Variants in CLOCK observed in about 807,000 individuals in gnomAD.
CLOCK encodes circadian locomoter output cycles protein kaput.
Under a neutral mutation model 118.4 loss-of-function variants are expected in CLOCK, and 43 were observed. That is an observed-to-expected ratio of 0.36 (90% CI 0.28 to 0.47). CLOCK has a LOEUF of 0.47. Among genes scored for constraint, CLOCK ranks in the 20% least tolerant of loss-of-function variants. The pLI, the probability that CLOCK is intolerant of heterozygous loss-of-function variation, is 1.00. For missense variants in CLOCK, 846 were observed against 999.9 expected (o/e 0.85, Z 2.08); for synonymous variants, 326 against 339.2 (o/e 0.96, Z 0.43).
At chr4:55,490,548 C>A (rs1189066017) in intron 2 of CLOCK, among the ~76,000 whole-genome samples, 2 of 151,974 alleles carry the variant, frequency 1.3e-5, no homozygotes, top group Non-Finnish European at 2.9e-5. Flanking sequence ...TTCCAGGACC[C>A]CCCACCAAAT....
At chr4:55,489,878 C>T (rs1727555081) in intron 2 of CLOCK, among the ~76,000 whole-genome samples, 2 of 151,846 alleles carry the variant, frequency 1.3e-5, no homozygotes, top group Non-Finnish European at 2.9e-5. Flanking sequence ...ATGGTAATCA[C>T]ATGTGAGGAC....
At position 55,542,788 on chromosome 4, in the gene CLOCK, G is replaced by A. The variant is rs915341443; in HGVS notation, c.-290+3994C>T. On this transcript the variant is annotated intron_variant, in intron 1 of 22. Transcript: ENST00000513440. Reference sequence around the variant, plus strand: ...AGGTTCACTTCAGAGGAGCTCAAGAGGCTGGTGTAATCTACGAGGCTTTCG... The same window carrying A: ...AGGTTCACTTCAGAGGAGCTCAAGAAGCTGGTGTAATCTACGAGGCTTTCG... Among the ~76,000 whole-genome samples the A allele has an allele frequency of 2.0e-5, 3 of 152,220 alleles. No individual in the cohort carries two copies. In the East Asian group the frequency reaches 5.8e-4, roughly 29 times the overall value.
At chr4:55,528,781 C>CT (rs947799325) in intron 1 of CLOCK, among the ~76,000 whole-genome samples, 5 of 152,142 alleles carry the variant, frequency 3.3e-5, no homozygotes, top group African/African-American at 1.2e-4. Context: ...GTGAAATACT[C>CT]TTTTTTTCCT....
chr4:55,513,121 C>T (rs1280498386), intron 1 of CLOCK, among the ~76,000 whole-genome samples: 1 of 152,126 alleles, frequency 6.6e-6, no homozygotes, highest in Non-Finnish European at 1.5e-5. Context: ...CTCACTGACT[C>T]ACCCTACGCA....
intron 13 of CLOCK, among the ~76,000 whole-genome samples, chr4:55,455,070 A>G (rs1296558355): frequency 6.6e-6 from 1 of 152,188 alleles, no homozygotes; most frequent in Non-Finnish European, 1.5e-5. Context: ...CTTCATTTTC[A>G]TACAGTGAGG....
intron 22 of CLOCK, among the ~76,000 whole-genome samples, chr4:55,436,397 C>T (rs903841550): frequency 6.6e-6 from 1 of 152,112 alleles, no homozygotes; most frequent in African/African-American, 2.4e-5. Context: ...AATAGATGAG[C>T]CTCTGTTCCT....
chr4:55,508,851 C>T (rs1159029218), intron 2 of CLOCK, among the ~76,000 whole-genome samples: 1 of 152,142 alleles, frequency 6.6e-6, no homozygotes, highest in Admixed American at 6.5e-5. Flanking sequence ...CTCGGCCTCC[C>T]AAAGTGCTGG....
Position 55,464,824 on chromosome 4 carries a change from A to G in CLOCK, c.439-1019T>C, listed in dbSNP as rs6838106. ...TTAGGTTGGTGCCATACTTTTAATA[A>G]CAAAAACCGCAATCACTTTTGCACC... On this transcript the variant is annotated intron_variant, in intron 8 of 22. Transcript: ENST00000513440. Among the ~76,000 whole-genome samples, 382 of 152,312 alleles carry G rather than the reference A, an allele frequency of 2.5e-3. 3 individuals are homozygous for G. The highest frequency in any genetic ancestry group is 8.8e-3 in the African/African-American group (366 of 41,568).
At chr4:55,452,875 T>G in intron 15 of CLOCK, 179 bp downstream of exon 15, 1 of 498,806 alleles carries the variant, frequency 2.0e-6, no homozygotes, top group Non-Finnish European at 3.5e-6. Context: ...ATTTTCTTTT[T>G]AGAGGCAGGT....
intron 13 of CLOCK, 145 bp downstream of exon 13, chr4:55,455,752 G>T: frequency 1.5e-6 from 1 of 658,906 alleles, no homozygotes; most frequent in South Asian, 1.8e-5. Context: ...CTACTACATT[G>T]GTTATATACA....
At chr4:55,543,922 T>C (rs1284283735) in intron 1 of CLOCK, among the ~76,000 whole-genome samples, 1 of 152,092 alleles carries the variant, frequency 6.6e-6, no homozygotes. Flanking sequence ...AAGTATCCTA[T>C]CCTACAAAAT....
At chr4:55,508,591 TA>T (rs1728951746) in intron 2 of CLOCK, among the ~76,000 whole-genome samples, 1 of 117,410 alleles carries the variant, frequency 8.5e-6, no homozygotes, top group Non-Finnish European at 1.8e-5. Context: ...GCCACACGGG[TA>T]AATTTTTTTT....
chr4:55,517,615 C>T (rs1396646552), intron 1 of CLOCK, among the ~76,000 whole-genome samples: 1 of 152,152 alleles, frequency 6.6e-6, no homozygotes, highest in African/African-American at 2.4e-5. Context: ...TTTGTTGTTT[C>T]TGTTCTGCCT....
intron 8 of CLOCK, among the ~76,000 whole-genome samples, chr4:55,467,427 T>C (rs763875002): frequency 6.6e-6 from 1 of 152,174 alleles, no homozygotes; most frequent in Non-Finnish European, 1.5e-5. Flanking sequence ...TATAATTCTC[T>C]GTATCATGAC....
intron 1 of CLOCK, among the ~76,000 whole-genome samples, chr4:55,541,003 T>A (rs1394448651): frequency 1.3e-5 from 2 of 152,224 alleles, no homozygotes; most frequent in Non-Finnish European, 2.9e-5. Flanking sequence ...ACAAAGTAAT[T>A]CATAAAATTT....
intron 1 of CLOCK, among the ~76,000 whole-genome samples, chr4:55,538,871 A>G (rs1306235305): frequency 1.3e-5 from 2 of 152,242 alleles, no homozygotes; most frequent in African/African-American, 4.8e-5. Flanking sequence ...GGAAGACAGA[A>G]AGCAACCAAA....
Position 55,430,606 on chromosome 4 carries a change from C to G in CLOCK, c.*4809G>C, listed in dbSNP as rs552318026. The G allele has an allele frequency of 2.0e-5, 3 of 152,214 alleles. No homozygotes were observed. In the South Asian group the frequency reaches 6.2e-4, roughly 32 times the overall value. The allele number at this position is 152,214 out of a possible 1,614,324, so 9.4% of individuals were successfully genotyped here. A position where few individuals can be genotyped will look rare whatever the true frequency, so the allele number is the denominator to read the frequency against. ...CCTTTAACCAAAGTATTCTTTTTCT[C>G]AGTCCTTTTTGTGCAAAAATATTAC... On this transcript the variant is annotated 3_prime_UTR_variant, in exon 23 of 23. Transcript: ENST00000513440.
intron 1 of CLOCK, among the ~76,000 whole-genome samples, chr4:55,517,634 T>C (rs954376297): frequency 1.3e-5 from 2 of 152,224 alleles, no homozygotes; most frequent in Non-Finnish European, 2.9e-5. Flanking sequence ...CTTTGTCTGG[T>C]TGCAGTATCA....
chr4:55,487,347 G>T (rs1727360913), intron 3 of CLOCK, among the ~76,000 whole-genome samples: 1 of 151,296 alleles, frequency 6.6e-6, no homozygotes, highest in African/African-American at 2.5e-5. Context: ...GTGTGATACA[G>T]CTTGCTGACT....
Sources: gnomAD v4.1 joint callset for allele counts (sites outside exome capture counted in the v4.1 genomes callset) on GRCh38, gnomAD v4.1.1 for gene constraint, MANE v1.5 for transcripts, NCBI Gene and HGNC (gene_info 2026-07-23, HGNC 2026-07-21) for gene names.